Variants in ANKRD12 observed in about 807,000 individuals in gnomAD.
The protein encoded by ANKRD12 is ankyrin repeat domain-containing protein 12.
Under a neutral mutation model 183.4 loss-of-function variants are expected in ANKRD12, and 85 were observed. The ratio of observed to expected loss-of-function variants is 0.46; its 90% confidence interval spans 0.39 to 0.56. The LOEUF (loss-of-function observed/expected upper bound fraction) is 0.56, where lower values mean the gene tolerates loss of function less well. Ranked by LOEUF, ANKRD12 falls within the 20% of genes least tolerant of loss-of-function variation. ANKRD12 has a pLI of 0.00. For missense variants in ANKRD12, 2,405 were observed against 2,357.1 expected, an observed-to-expected ratio of 1.02 and a Z score of -0.42; for synonymous variants, 914 against 800.2, an observed-to-expected ratio of 1.14 and a Z score of -2.40.
chr18:9,188,288 G>A (rs767236304), intron 2 of ANKRD12, among the ~76,000 whole-genome samples: 2 of 152,220 alleles, frequency 1.3e-5, no homozygotes, highest in African/African-American at 4.8e-5. Context: ...ATGATGGGCA[G>A]TAAGTCTGCC....
chr18:9,238,483 C>G (rs2037472560), intron 8 of ANKRD12, among the ~76,000 whole-genome samples: 1 of 152,192 alleles, frequency 6.6e-6, no homozygotes, highest in East Asian at 1.9e-4. Context: ...TTACACTCCT[C>G]TTCGTGTTCT....
chr18:9,210,748 A>G (rs930416517), intron 5 of ANKRD12, among the ~76,000 whole-genome samples: 3 of 150,008 alleles, frequency 2.0e-5, no homozygotes, highest in Non-Finnish European at 3.0e-5. Context: ...AATCCAAAAG[A>G]TGAACCTTAC....
intron 8 of ANKRD12, among the ~76,000 whole-genome samples, chr18:9,229,129 A>G (rs896655065): frequency 3.9e-5 from 6 of 152,010 alleles, no homozygotes; most frequent in African/African-American, 1.2e-4. Flanking sequence ...GTAAATATGC[A>G]GATTTATTTC....
chr18:9,244,099 G>A (rs1205825931), intron 8 of ANKRD12, among the ~76,000 whole-genome samples: 10 of 152,142 alleles, frequency 6.6e-5, no homozygotes, highest in Admixed American at 5.9e-4. Context: ...GCACCACTGC[G>A]CTCCAACCTG....
intron 1 of ANKRD12, among the ~76,000 whole-genome samples, chr18:9,141,099 GT>G (rs2078297821): frequency 6.6e-6 from 1 of 151,926 alleles, no homozygotes; most frequent in Admixed American, 6.6e-5. Flanking sequence ...CATGAAAAAT[GT>G]TTGGGGGCCA....
intron 8 of ANKRD12, among the ~76,000 whole-genome samples, chr18:9,243,578 A>G (rs879439724): frequency 1.3e-5 from 2 of 152,200 alleles, no homozygotes; most frequent in Non-Finnish European, 2.9e-5. Context: ...TCCACCAACC[A>G]TAACAAAAAG....
chr18:9,192,310 A>G (rs7506291), intron 2 of ANKRD12, among the ~76,000 whole-genome samples: 104,632 of 152,028 alleles, frequency 0.69, 36,444 homozygotes, highest in Middle Eastern at 0.81. Flanking sequence ...TGTTCTTGCC[A>G]TCATAGGGTT....
chr18:9,161,908 G>T (rs1568236652), intron 1 of ANKRD12, among the ~76,000 whole-genome samples: 1 of 151,802 alleles, frequency 6.6e-6, no homozygotes, highest in Non-Finnish European at 1.5e-5. Flanking sequence ...CTGTTGCCAG[G>T]CTGGAGTGCA....
rs1313684846 is a variant in ANKRD12, at chr18:9,258,841, T to C, written c.5574T>C (p.Pro1858=). 6 of 1,613,840 alleles carry C rather than the reference T, an allele frequency of 3.7e-6. No individual in the cohort carries two copies. Among genetic ancestry groups the C allele is most frequent in the Non-Finnish European group, 4.2e-6 (5 of 1,179,864 alleles). ...GCAAATTACTGTGTAGTGTGATTCCTCAAGCACCTCAGTACTATGACGAAT... is the reference window on the plus strand; with the variant it reads ...GCAAATTACTGTGTAGTGTGATTCCCCAAGCACCTCAGTACTATGACGAAT... ...EKRKLLCSVI[P]QAPQYYDEYV... The change falls in exon 9 of 13, where the codon CCT becomes CCC. Residue 1858 remains proline (P), a synonymous_variant. Transcript: ENST00000262126.
At chr18:9,183,393 A>G (rs1223872974) in intron 2 of ANKRD12, among the ~76,000 whole-genome samples, 1 of 152,070 alleles carries the variant, frequency 6.6e-6, no homozygotes, top group Non-Finnish European at 1.5e-5. Flanking sequence ...ATAGCTCTTC[A>G]TTTACTTAGA....
At position 9,255,182 on chromosome 18, in the gene ANKRD12, A is replaced by G; in HGVS notation, c.1915A>G (p.Thr639Ala). 6.3e-7 allele frequency: 1 copy of G among 1,587,410 alleles called. No homozygotes were observed. ...HSPTFENSDC[T>A]LKKMDKEGKT... is the part of the protein sequence containing the mutation. ...TCCAACATTTGAAAATTCAGATTGC[A>G]CACTGAAAAAAATGGATAAAGAAGG... The change falls in exon 9 of 13, where the codon ACA (threonine) becomes GCA (alanine). Residue 639 changes from threonine to alanine, a missense_variant. Transcript: ENST00000262126.
chr18:9,275,451 C>CGAGA, intron 10 of ANKRD12, 73 bp from the exon 11 acceptor site: 2 of 1,402,546 alleles, frequency 1.4e-6, no homozygotes, highest in Non-Finnish European at 2.0e-6. Flanking sequence ...CCAGCCTAGG[C>CGAGA]GAGAGAGTAA....
At chr18:9,187,000 A>G (rs1322657436) in intron 2 of ANKRD12, among the ~76,000 whole-genome samples, 3 of 151,972 alleles carry the variant, frequency 2.0e-5, no homozygotes, top group African/African-American at 7.3e-5. Context: ...TGACCTCGTG[A>G]TCCGCCCACC....
At chr18:9,232,555 T>C (rs2037113726) in intron 8 of ANKRD12, among the ~76,000 whole-genome samples, 1 of 152,194 alleles carries the variant, frequency 6.6e-6, no homozygotes, top group African/African-American at 2.4e-5. Context: ...TAGAATTTTC[T>C]CTCTGTTATT....
chr18:9,257,634 A>G lies in ANKRD12; in HGVS notation c.4367A>G (p.Asn1456Ser). Reference protein sequence around the residue: ...SSLQSFCNSENKVLKENADFL... With the variant: ...SSLQSFCNSESKVLKENADFL... Reference sequence around the variant, plus strand: ...CTTCAGAGTTTTTGTAATTCTGAAAATAAGGTATTGAAAGAAAATGCTGAT... The same window carrying G: ...CTTCAGAGTTTTTGTAATTCTGAAAGTAAGGTATTGAAAGAAAATGCTGAT... Residue 1456 changes from asparagine (N) to serine (S), a missense_variant, in exon 9 of 13, where the codon AAT becomes AGT. By Grantham distance (46) the Asn-to-Ser change is conservative. This residue lies in a region of ANKRD12 where 1,983 missense variants were observed against 1,725.9 expected (regional missense o/e 1.15). Coordinates refer to ENST00000262126, the MANE Select transcript of ANKRD12 (RefSeq NM_015208.5). 6.2e-7 allele frequency: 1 copy of G among 1,614,008 alleles called. No individual in the cohort carries two copies. Among genetic ancestry groups the G allele is most frequent in the South Asian group, 1.1e-5 (1 of 91,074 alleles).
intron 8 of ANKRD12, among the ~76,000 whole-genome samples, chr18:9,229,428 T>C (rs949507507): frequency 6.6e-6 from 1 of 152,312 alleles, no homozygotes; most frequent in African/African-American, 2.4e-5. Context: ...TCTATGAGCA[T>C]GGGAGGTTTT....
chr18:9,227,476 A>G (rs1412694455), intron 8 of ANKRD12, among the ~76,000 whole-genome samples: 1 of 152,210 alleles, frequency 6.6e-6, no homozygotes, highest in Non-Finnish European at 1.5e-5. Context: ...TTGAGCTTGG[A>G]ATATCTTAAA....
At chr18:9,172,341 T>C (rs1424496574) in intron 1 of ANKRD12, among the ~76,000 whole-genome samples, 1 of 151,648 alleles carries the variant, frequency 6.6e-6, no homozygotes, top group African/African-American at 2.4e-5. Context: ...ATTCTTCTCC[T>C]GTCTTTCAGG....
Position 9,258,295 on chromosome 18 carries a change from A to G in ANKRD12, c.5028A>G (p.Glu1676=). The G allele has an allele frequency of 1.9e-6, 3 of 1,613,752 alleles. No individual in the cohort carries two copies. Among genetic ancestry groups the G allele is most frequent in the Non-Finnish European group, 2.5e-6 (3 of 1,179,922 alleles). The change falls in exon 9 of 13, where the codon GAA becomes GAG. Residue 1676 remains glutamate (E), a synonymous_variant. Coordinates refer to ENST00000262126, the MANE Select transcript of ANKRD12 (RefSeq NM_015208.5). ...ATCCAAAACATTGTCCTGAAAGTGA[A>G]AAGTGTTTGCTTTCCATAGAAGATG... ...EQDPKHCPES[E]KCLLSIEDEE...
Sources: allele counts gnomAD v4.1 joint callset (sites outside exome capture counted in the v4.1 genomes callset), GRCh38; gene constraint gnomAD v4.1.1; regional missense constraint gnomAD v4.1.1; transcripts MANE v1.5; gene names NCBI Gene and HGNC (gene_info 2026-07-23, HGNC 2026-07-21).